The following RNF6 variants were observed in gnomAD, a reference collection of about 807,000 sequenced individuals.
RNF6 encodes the protein ring finger protein 6.
RNF6 carries 21 observed loss-of-function variants against 50.1 expected under a neutral mutation model. That is an observed-to-expected ratio of 0.42 (90% CI 0.30 to 0.60). The LOEUF is 0.60. Ranked by LOEUF, RNF6 falls within the 20% of genes least tolerant of loss-of-function variation. RNF6 has a pLI of 0.20. For synonymous variants in RNF6, 255 were observed against 291.8 expected (o/e 0.87, Z 1.29); for missense variants, 698 against 838.2 (o/e 0.83, Z 2.07).
chr13:26,206,004 C>T (rs1358683641), intron 5 of RNF6, among the ~76,000 whole-genome samples: 1 of 152,176 alleles, frequency 6.6e-6, no homozygotes, highest in Non-Finnish European at 1.5e-5. Context: ...CAGAGTAACC[C>T]TGTCTCAAAA....
intron 2 of RNF6, 129 bp from the exon 3 acceptor site, chr13:26,219,796 C>A: frequency 2.7e-6 from 2 of 741,308 alleles, no homozygotes; most frequent in Non-Finnish European, 4.3e-6. Flanking sequence ...TTTGCCAAAT[C>A]TTGCAGTGAG....
At chr13:26,147,086 G>A (rs1871289243) in intron 5 of RNF6, among the ~76,000 whole-genome samples, 1 of 152,090 alleles carries the variant, frequency 6.6e-6, no homozygotes, top group African/African-American at 2.4e-5. Flanking sequence ...GACTAATACA[G>A]GGCCCATATC....
rs116224758 is a variant in RNF6, at chr13:26,205,119, A to C, written n.768+10355T>G. On this transcript the variant is annotated intron_variant and non_coding_transcript_variant, in intron 5 of 5. Coordinates refer to the RNF6 transcript ENST00000468480. ...GACCATGGCTCATCATTTTGTCCTG[A>C]ATAGGTTAGAAGAGGTATTTCTCTG... Among the ~76,000 whole-genome samples the C allele has an allele frequency of 7.0e-3, 1,064 of 152,212 alleles. 16 individuals are homozygous for C. The highest frequency in any genetic ancestry group is 0.024 in the African/African-American group (1,016 of 41,538).
intron 5 of RNF6, among the ~76,000 whole-genome samples, chr13:26,184,780 C>T (rs1032865488): frequency 1.3e-5 from 2 of 152,042 alleles, no homozygotes; most frequent in Non-Finnish European, 1.5e-5. Context: ...GTGAAAATAA[C>T]GTAGATTGAA....
At chr13:26,178,221 A>G (rs1488964647) in intron 5 of RNF6, among the ~76,000 whole-genome samples, 1 of 152,168 alleles carries the variant, frequency 6.6e-6, no homozygotes, top group Non-Finnish European at 1.5e-5. Flanking sequence ...CCCTTAATTG[A>G]GTAGCTAATA....
At chr13:26,148,072 A>G (rs954407609) in intron 5 of RNF6, among the ~76,000 whole-genome samples, 1 of 152,224 alleles carries the variant, frequency 6.6e-6, no homozygotes, top group Admixed American at 6.5e-5. Context: ...GGGAGGCCTC[A>G]GGAAACTTAC....
chr13:26,212,273 T>A (rs575837464), downstream of RNF6, among the ~76,000 whole-genome samples: 19 of 152,326 alleles, frequency 1.2e-4, no homozygotes, highest in African/African-American at 4.6e-4. Context: ...TGAAAAGCCT[T>A]CAAATCTGAT....
chr13:26,191,576 C>T (rs897313971), intron 5 of RNF6, among the ~76,000 whole-genome samples: 1 of 152,110 alleles, frequency 6.6e-6, no homozygotes, highest in African/African-American at 2.4e-5. Context: ...TGAGTTCTCA[C>T]AAGATCTGAT....
At chr13:26,160,563 T>TG (rs1872162055) in intron 5 of RNF6, among the ~76,000 whole-genome samples, 2 of 145,522 alleles carry the variant, frequency 1.4e-5, no homozygotes, top group African/African-American at 5.2e-5. Flanking sequence ...TTTTTTTTTT[T>TG]TGGACATTTG....
At chr13:26,185,603 T>A (rs1254258739) in intron 5 of RNF6, among the ~76,000 whole-genome samples, 1 of 151,982 alleles carries the variant, frequency 6.6e-6, no homozygotes, top group Non-Finnish European at 1.5e-5. Context: ...AAAATTAGCC[T>A]GGCGTGGTGG....
At chr13:26,219,183 T>C (rs1415723349) in intron 3 of RNF6, 2 of 261,528 alleles carry the variant, frequency 7.6e-6, no homozygotes, top group African/African-American at 2.2e-5. Flanking sequence ...AATAGGACCA[T>C]ATATGTAAAT....
intron 5 of RNF6, among the ~76,000 whole-genome samples, chr13:26,191,967 A>G (rs1028611676): frequency 6.6e-6 from 1 of 152,208 alleles, no homozygotes; most frequent in African/African-American, 2.4e-5. Context: ...TTTTCTAGGC[A>G]GAGGTAATGT....
chr13:26,210,560 T>C (rs1389669689), downstream of RNF6, among the ~76,000 whole-genome samples: 1 of 152,224 alleles, frequency 6.6e-6, no homozygotes, highest in African/African-American at 2.4e-5. Flanking sequence ...CCTATGGAAA[T>C]TAGGGTAATC....
chr13:26,140,049 C>A (rs1253327597), intron 5 of RNF6, among the ~76,000 whole-genome samples: 2 of 152,110 alleles, frequency 1.3e-5, no homozygotes, highest in South Asian at 2.1e-4. Context: ...ACTGACTTTG[C>A]AAAATATGTC....
rs112115155 is a variant in RNF6 at position 26,201,412 on chromosome 13, G to A, written n.768+14062C>T. Reference sequence around the variant, plus strand: ...CACAAAAACCAGGTGGAATGGAGGAGGGGTAATTCTTTCAAATGAATGGAG... The same window carrying A: ...CACAAAAACCAGGTGGAATGGAGGAAGGGTAATTCTTTCAAATGAATGGAG... On this transcript the variant is annotated intron_variant and non_coding_transcript_variant, in intron 5 of 5. Coordinates refer to the RNF6 transcript ENST00000468480. Among the ~76,000 whole-genome samples the A allele has an allele frequency of 1.7e-4, 26 of 152,268 alleles. 1 individual carries two copies. Among genetic ancestry groups the A allele is most frequent in the African/African-American group, 5.5e-4 (23 of 41,550 alleles).
chr13:26,202,203 C>T (rs1868924524), intron 5 of RNF6, among the ~76,000 whole-genome samples: 1 of 152,126 alleles, frequency 6.6e-6, no homozygotes, highest in African/African-American at 2.4e-5. Context: ...CCAAAATAAG[C>T]ACAAGTAATT....
At chr13:26,160,545 T>G (rs1460581516) in intron 5 of RNF6, among the ~76,000 whole-genome samples, 1 of 22,986 alleles carries the variant, frequency 4.4e-5, no homozygotes, top group Non-Finnish European at 9.5e-5. Context: ...CTTCTTCTTC[T>G]TTTTTTTTTT....
chr13:26,140,971 T>A (rs1448700775), intron 5 of RNF6, among the ~76,000 whole-genome samples: 1 of 152,058 alleles, frequency 6.6e-6, no homozygotes, highest in Non-Finnish European at 1.5e-5. Flanking sequence ...CTGAAAGAAA[T>A]CACAGTTGAC....
chr13:26,201,354 A>T (rs533404134), intron 5 of RNF6, among the ~76,000 whole-genome samples: 4 of 152,358 alleles, frequency 2.6e-5, no homozygotes, highest in South Asian at 4.1e-4. Flanking sequence ...ACACTAGTGA[A>T]GACTATGAAA....
Sources: allele counts gnomAD v4.1 joint callset (sites outside exome capture counted in the v4.1 genomes callset), GRCh38; gene constraint gnomAD v4.1.1; transcripts MANE v1.5; gene names NCBI Gene and HGNC (gene_info 2026-07-23, HGNC 2026-07-21).